BCLAF1: variants seen among roughly 807,000 people sequenced by gnomAD.
BCLAF1 encodes the protein bcl-2-associated transcription factor 1.
A neutral mutation model predicts 99.5 loss-of-function variants in BCLAF1; 10 were observed. That is an observed-to-expected ratio of 0.10 (90% CI 0.06 to 0.17). The LOEUF is 0.17. BCLAF1 is among the 10% of genes least tolerant of loss of function. The pLI, the probability that BCLAF1 is intolerant of heterozygous loss-of-function variation, is 1.00. For missense variants in BCLAF1, 636 were observed against 1,105.8 expected, an observed-to-expected ratio of 0.58 and a Z score of 6.02; for synonymous variants, 255 against 370.9, an observed-to-expected ratio of 0.69 and a Z score of 3.59.
chr6:136,268,581 G>A, intron 9 of BCLAF1: 3 of 392,442 alleles, frequency 7.6e-6, no homozygotes, highest in Middle Eastern at 6.0e-4. Context: ...GTCTGTAAAG[G>A]TCAAGAATAA....
intron 1 of BCLAF1, among the ~76,000 whole-genome samples, chr6:136,284,647 A>G (rs1459360218): frequency 6.6e-6 from 1 of 152,240 alleles, no homozygotes; most frequent in Non-Finnish European, 1.5e-5. Flanking sequence ...CATCTTTCAA[A>G]TACAGAGAAC....
At position 136,276,318 on chromosome 6, in the gene BCLAF1, C is replaced by G. The variant is rs61731960; in HGVS notation, c.1207G>C (p.Glu403Gln). 6 of 1,566,302 alleles carry G rather than the reference C, an allele frequency of 3.8e-6. No homozygotes were observed. Among genetic ancestry groups the G allele is most frequent in the Non-Finnish European group, 5.2e-6 (6 of 1,158,524 alleles). ...KFNDSEGDDTEETEDYRQFRK... is the reference protein window; with the variant it reads ...KFNDSEGDDTQETEDYRQFRK... ...AACTGTCTATAATCCTCTGTCTCCTCTGTGTCATCCCCTTCTGAATCATTA... is the reference window on the plus strand; with the variant it reads ...AACTGTCTATAATCCTCTGTCTCCTGTGTGTCATCCCCTTCTGAATCATTA... Residue 403 changes from glutamate (E) to glutamine (Q), a missense_variant, in exon 5 of 13, where the codon GAG (glutamate) becomes CAG (glutamine). Coordinates refer to ENST00000531224, the MANE Select transcript of BCLAF1 (RefSeq NM_014739.3).
chr6:136,281,339 G>C (rs1784362990), intron 2 of BCLAF1, among the ~76,000 whole-genome samples: 1 of 152,122 alleles, frequency 6.6e-6, no homozygotes, highest in Non-Finnish European at 1.5e-5. Context: ...ACACCTTGTA[G>C]AACACAAATT....
chr6:136,280,332 G>C (rs1401566541), intron 2 of BCLAF1, among the ~76,000 whole-genome samples: 1 of 152,162 alleles, frequency 6.6e-6, no homozygotes, highest in Admixed American at 6.5e-5. Flanking sequence ...TTATCATAGT[G>C]CTTTATGGCC....
At chr6:136,279,970 A>G (rs1334872508) in intron 2 of BCLAF1, 94 bp from the exon 3 acceptor site, 1 of 1,267,070 alleles carries the variant, frequency 7.9e-7, no homozygotes, top group Non-Finnish European at 1.0e-6. Context: ...TTTGATTTTT[A>G]CAAGTTTCTC....
At chr6:136,287,597 AACT>A (rs1360378780) in intron 1 of BCLAF1, among the ~76,000 whole-genome samples, 44 of 152,352 alleles carry the variant, frequency 2.9e-4, no homozygotes, top group Middle Eastern at 6.8e-3. Context: ...GCTAGTGTGC[AACT>A]ACTGATTTCC....
In BCLAF1 at chr6:136,260,968, A is replaced by C; in HGVS notation, c.*142T>G. On this transcript the variant is annotated 3_prime_UTR_variant, in exon 13 of 13. Transcript: ENST00000531224. ...GTCTACTATTTCTCAAGATATTTGAAGACTTAAAACAAAATTTCTATAGAC... is the reference window on the plus strand; with the variant it reads ...GTCTACTATTTCTCAAGATATTTGACGACTTAAAACAAAATTTCTATAGAC... 1.2e-6 allele frequency: 1 copy of C among 843,458 alleles called. No homozygotes were observed. Among genetic ancestry groups the C allele is most frequent in the Non-Finnish European group, 1.8e-6 (1 of 565,610 alleles). The allele number at this position is 843,458 out of a possible 1,614,324, so 52.2% of individuals were successfully genotyped here. A position where few individuals can be genotyped will look rare whatever the true frequency, so the allele number is the denominator to read the frequency against.
At chr6:136,274,088 C>T in intron 6 of BCLAF1, 7 of 1,288,016 alleles carry the variant, frequency 5.4e-6, no homozygotes, top group Non-Finnish European at 7.1e-6. Context: ...GTTTTTATGC[C>T]ATTTTTGCCA....
chr6:136,284,109 CAT>C (rs200877081), intron 1 of BCLAF1, among the ~76,000 whole-genome samples: 31 of 112,986 alleles, frequency 2.7e-4, no homozygotes, highest in African/African-American at 1.1e-3. Context: ...TATATATATA[CAT>C]ATATATGTGT....
At chr6:136,267,959 T>G (rs970767532) in intron 10 of BCLAF1, among the ~76,000 whole-genome samples, 5 of 151,922 alleles carry the variant, frequency 3.3e-5, no homozygotes, top group Non-Finnish European at 5.9e-5. Context: ...AAGTACCTAG[T>G]TTATACAGAT....
chr6:136,268,649 G>A (rs1782080343), intron 9 of BCLAF1: 1 of 241,712 alleles, frequency 4.1e-6, no homozygotes, highest in Non-Finnish European at 8.2e-6. Context: ...TTAATGAAAG[G>A]AAGAGAAGAG....
chr6:136,272,968 A>G (rs2128476635), intron 7 of BCLAF1, 114 bp downstream of exon 7: 1 of 632,866 alleles, frequency 1.6e-6, no homozygotes, highest in East Asian at 2.8e-5. Context: ...TAAAGTATAA[A>G]TGAGGAATAA....
Position 136,258,359 on chromosome 6 carries a change from C to T in BCLAF1, c.*2751G>A, listed in dbSNP as rs1163009621. On this transcript the variant is annotated 3_prime_UTR_variant, in exon 13 of 13. Coordinates refer to ENST00000531224, the MANE Select transcript of BCLAF1 (RefSeq NM_014739.3). ...TAGATTTACCAACTGTAAAATTTCC[C>T]ATTTTCCCAGGGGAGACAAGGGAAA... 6.6e-6 allele frequency: 1 copy of T among 151,274 alleles called. No homozygotes were observed. The highest frequency in any genetic ancestry group is 2.4e-5 in the African/African-American group (1 of 41,130). 9.4% of individuals were successfully genotyped at this position (151,274 alleles called of 1,614,324 possible). A position where few individuals can be genotyped will look rare whatever the true frequency, so the allele number is the denominator to read the frequency against.
chr6:136,284,130 G>GTGTGTATATACATATATATATA (rs36141174), intron 1 of BCLAF1, among the ~76,000 whole-genome samples: 1 of 122,120 alleles, frequency 8.2e-6, no homozygotes, highest in African/African-American at 4.1e-5. Flanking sequence ...GTGTGTGTGT[G>GTGTGTATATACATATATATATA]TATATATATA....
intron 6 of BCLAF1, chr6:136,274,038 C>G (rs1000284641): frequency 1.6e-6 from 2 of 1,286,110 alleles, no homozygotes; most frequent in African/African-American, 3.0e-5. Context: ...GTGCCTCAAT[C>G]ATAATTCCAT....
rs559972941 is a variant in BCLAF1, at chr6:136,266,019, A to T, written c.2544+1010T>A. ...CACTCAAGAAGCATAAACTGAGAAA[A>T]CATTATGCATAACGCACTCTGTAAC... is the stretch of plus-strand genomic sequence containing the variant. On this transcript the variant is annotated intron_variant, in intron 11 of 12. Coordinates refer to ENST00000531224, the MANE Select transcript of BCLAF1 (RefSeq NM_014739.3). 9.7e-4 allele frequency among the ~76,000 whole-genome samples: 147 copies of T among 152,206 alleles called. 1 individual carries two copies. Among genetic ancestry groups the T allele is most frequent in the African/African-American group, 3.4e-3 (141 of 41,550 alleles).
intron 1 of BCLAF1, among the ~76,000 whole-genome samples, chr6:136,286,514 G>T (rs1307748250): frequency 6.6e-6 from 1 of 152,196 alleles, no homozygotes; most frequent in Non-Finnish European, 1.5e-5. Flanking sequence ...TTTGGCCCGT[G>T]GTATACAATC....
intron 6 of BCLAF1, chr6:136,273,857 T>G: frequency 1.7e-6 from 1 of 586,734 alleles, no homozygotes; most frequent in Non-Finnish European, 2.3e-6. Context: ...CAAGATATGT[T>G]GTAAATGTAA....
At chr6:136,280,893 T>C (rs567481334) in intron 2 of BCLAF1, among the ~76,000 whole-genome samples, 1 of 152,304 alleles carries the variant, frequency 6.6e-6, no homozygotes, top group African/African-American at 2.4e-5. Flanking sequence ...AAAGTATTCA[T>C]TTCAATAAAA....
Sources: allele counts gnomAD v4.1 joint callset (sites outside exome capture counted in the v4.1 genomes callset), GRCh38; gene constraint gnomAD v4.1.1; transcripts MANE v1.5; gene names NCBI Gene and HGNC (gene_info 2026-07-23, HGNC 2026-07-21).